The following GNAO1 variants were observed in gnomAD, a reference collection of about 807,000 sequenced individuals.
GNAO1 encodes the protein guanine nucleotide-binding protein G(o) subunit alpha.
For synonymous variants in GNAO1, 164 were observed against 180.7 expected (o/e 0.91, Z 0.74); for missense variants, 166 against 478.7 (o/e 0.35, Z 6.10).
Position 56,224,763 on chromosome 16 carries a change from G to A in GNAO1, c.161+32147G>A, listed in dbSNP as rs549760945. On this transcript the variant is annotated intron_variant, in intron 2 of 8. Transcript: ENST00000262493. ...ATTACAGGCACGAGCCACCGTGCCC[G>A]GCCCAGGACTTGGGTTTTAGTCTGC... Among the ~76,000 whole-genome samples the A allele has an allele frequency of 1.4e-4, 21 of 152,318 alleles. No individual in the cohort carries two copies. The South Asian group carries it at 4.4e-3, about 32-fold the overall frequency.
intron 2 of GNAO1, among the ~76,000 whole-genome samples, chr16:56,201,646 GGGAAAGGAAACAGATTCAAGAGA>G (rs553239896): frequency 5.7e-4 from 87 of 152,304 alleles, no homozygotes; most frequent in African/African-American, 2.0e-3. Flanking sequence ...AGTGTGGGTG[GGGAAAGGAAACAGATTCAAGAGA>G]TATTTGGGCA....
intron 6 of GNAO1, chr16:56,343,635 G>C (rs1177053338): frequency 1.5e-6 from 1 of 670,958 alleles, no homozygotes; most frequent in African/African-American, 1.8e-5. Flanking sequence ...CCTCCATCAG[G>C]TTTTCCCTGT....
chr16:56,321,931 G>T (rs1261795899), intron 3 of GNAO1, among the ~76,000 whole-genome samples: 1 of 152,190 alleles, frequency 6.6e-6, no homozygotes, highest in African/African-American at 2.4e-5. Flanking sequence ...ACCATAAGCT[G>T]GGTGGCTTAT....
At chr16:56,340,503 C>T (rs2037791026) in intron 6 of GNAO1, 2 of 290,570 alleles carry the variant, frequency 6.9e-6, no homozygotes, top group Non-Finnish European at 1.3e-5. Flanking sequence ...CTGCGCTGTA[C>T]GTGCATGGTG....
chr16:56,237,447 G>C (rs2036648960), intron 2 of GNAO1, among the ~76,000 whole-genome samples: 1 of 152,142 alleles, frequency 6.6e-6, no homozygotes, highest in African/African-American at 2.4e-5. Flanking sequence ...GTATCTGAAA[G>C]AGAAAGGAGA....
intron 2 of GNAO1, among the ~76,000 whole-genome samples, chr16:56,220,081 T>G (rs2036470026): frequency 6.6e-6 from 1 of 152,194 alleles, no homozygotes; most frequent in South Asian, 2.1e-4. Context: ...TCTCCATACC[T>G]ATTATTTTTG....
intron 2 of GNAO1, among the ~76,000 whole-genome samples, chr16:56,274,346 G>A (rs1330518830): frequency 6.6e-6 from 1 of 152,232 alleles, no homozygotes; most frequent in African/African-American, 2.4e-5. Context: ...TGGTGCACCA[G>A]TGGCCTGTAC....
At chr16:56,347,263 C>G in intron 6 of GNAO1, 1 of 985,416 alleles carries the variant, frequency 1.0e-6, no homozygotes, top group Non-Finnish European at 1.2e-6. Flanking sequence ...TCTCAGGAAC[C>G]CAGACCTGAG....
intron 2 of GNAO1, among the ~76,000 whole-genome samples, chr16:56,227,411 C>T (rs1405669156): frequency 1.3e-5 from 2 of 152,154 alleles, no homozygotes; most frequent in African/African-American, 2.4e-5. Flanking sequence ...GGTTCCCACC[C>T]TGTCTCCAGG....
At chr16:56,325,007 T>G (rs1390289738) in intron 3 of GNAO1, among the ~76,000 whole-genome samples, 1 of 152,268 alleles carries the variant, frequency 6.6e-6, no homozygotes. Flanking sequence ...AACTTCCAGA[T>G]GCTGACCTCA....
At chr16:56,267,384 G>T (rs1381181261) in intron 2 of GNAO1, among the ~76,000 whole-genome samples, 8 of 152,240 alleles carry the variant, frequency 5.3e-5, no homozygotes, top group African/African-American at 1.9e-4. Context: ...CTCCAGGGAA[G>T]CCTGCTGACT....
At chr16:56,333,454 C>T (rs1305539408) in intron 4 of GNAO1, among the ~76,000 whole-genome samples, 1 of 152,200 alleles carries the variant, frequency 6.6e-6, no homozygotes, top group Non-Finnish European at 1.5e-5. Context: ...TCATGATCCG[C>T]CCACCTTGGC....
rs148707597 is a variant in GNAO1 at position 56,298,042 on chromosome 16, C to T, written c.303+21970C>T. Among the ~76,000 whole-genome samples, 271 of 152,198 alleles carry T rather than the reference C, an allele frequency of 1.8e-3. 6 individuals are homozygous for T. The highest frequency in any genetic ancestry group is 3.4e-3 in the African/African-American group (142 of 41,530). On this transcript the variant is annotated intron_variant, in intron 3 of 8. Transcript: ENST00000262493. The stretch of plus-strand genomic sequence containing the variant: ...AAAAAATTAGCCAGCCATGGTGGTG[C>T]GTGCCTGTGGTCCCAGCTACTGGGG...
At chr16:56,257,846 G>A (rs1384515364) in intron 2 of GNAO1, among the ~76,000 whole-genome samples, 2 of 152,220 alleles carry the variant, frequency 1.3e-5, no homozygotes, top group Non-Finnish European at 2.9e-5. Context: ...AGGGCTGTGG[G>A]CGTAGACTGA....
chr16:56,192,169 G>A lies in GNAO1; in HGVS notation c.-67G>A. On this transcript the variant is annotated 5_prime_UTR_variant, in exon 1 of 9. Transcript: ENST00000262493. ...CCAGGCTCTGCTCTCTGGGGGGGTGGGGGGCGCTCCAAGCCGGGGAGCCGT... is the reference window on the plus strand; with the variant it reads ...CCAGGCTCTGCTCTCTGGGGGGGTGAGGGGCGCTCCAAGCCGGGGAGCCGT... The A allele has an allele frequency of 2.3e-6, 2 of 871,972 alleles. No homozygotes were observed. Among genetic ancestry groups the A allele is most frequent in the Non-Finnish European group, 3.8e-6 (2 of 532,032 alleles). The allele number at this position is 871,972 out of a possible 1,614,324, so 54.0% of individuals were successfully genotyped here.
intron 3 of GNAO1, among the ~76,000 whole-genome samples, chr16:56,310,484 TG>T (rs2037445603): frequency 6.6e-6 from 1 of 152,210 alleles, no homozygotes; most frequent in Non-Finnish European, 1.5e-5. Flanking sequence ...GATGCTGCTG[TG>T]GAGCATGACT....
intron 3 of GNAO1, among the ~76,000 whole-genome samples, chr16:56,314,762 A>G (rs1281890515): frequency 3.9e-5 from 6 of 152,136 alleles, no homozygotes; most frequent in African/African-American, 1.4e-4. Context: ...GTGACATCTT[A>G]GTTTTGTTAT....
intron 2 of GNAO1, among the ~76,000 whole-genome samples, chr16:56,228,895 A>G (rs1443996921): frequency 7.9e-5 from 12 of 152,180 alleles, no homozygotes; most frequent in Admixed American, 7.9e-4. Flanking sequence ...ATATAGATAA[A>G]AGTTTATTCA....
intron 2 of GNAO1, among the ~76,000 whole-genome samples, chr16:56,269,113 A>G (rs1297071899): frequency 6.6e-6 from 1 of 152,218 alleles, no homozygotes; most frequent in African/African-American, 2.4e-5. Flanking sequence ...GTTCAGAAAC[A>G]TATTTCATGA....
Sources: gnomAD v4.1 joint callset for allele counts (sites outside exome capture counted in the v4.1 genomes callset) on GRCh38, gnomAD v4.1.1 for gene constraint, MANE v1.5 for transcripts, NCBI Gene and HGNC (gene_info 2026-07-23, HGNC 2026-07-21) for gene names.